WWOX: variants seen among roughly 807,000 people sequenced by gnomAD.
The protein encoded by WWOX is WW domain containing oxidoreductase.
A neutral mutation model predicts 46.2 loss-of-function variants in WWOX; 69 were observed. The ratio of observed to expected loss-of-function variants is 1.49; its 90% CI spans 1.23 to 1.82. The LOEUF is 1.82. Among genes scored for constraint, WWOX ranks in the 40% most tolerant of loss-of-function variants. WWOX has a pLI of 0.00. For missense variants in WWOX, 919 were observed against 542.6 expected, an observed-to-expected ratio of 1.69 and a Z score of -6.89; for synonymous variants, 359 against 202.6, an observed-to-expected ratio of 1.77 and a Z score of -6.56.
intron 1 of WWOX, 58 bp downstream of exon 1, chr16:78,099,943 G>GC: frequency 6.5e-7 from 1 of 1,533,684 alleles, no homozygotes; most frequent in Non-Finnish European, 8.8e-7. Flanking sequence ...GCCCACGGAC[G>GC]CCACCTGCGC....
In WWOX at chr16:78,349,141, C is replaced by T. The variant is rs114659753; in HGVS notation, c.517-37719C>T. Among the ~76,000 whole-genome samples, 803 of 120,936 alleles carry T rather than the reference C, an allele frequency of 6.6e-3. 169 individuals carry two copies. Among genetic ancestry groups the T allele is most frequent in the African/African-American group, 0.021 (765 of 35,634 alleles). The allele number at this position is 120,936 out of a possible 152,430, so 79.3% of individuals were successfully genotyped here. A position where few individuals can be genotyped will look rare whatever the true frequency, so the allele number is the denominator to read the frequency against. ...GAGGTCTACCTCGTCTGCTTGCAGA[C>T]AGCCGCCTTCCCACCGTGTTCTCAC... On this transcript the variant is annotated intron_variant, in intron 5 of 8. Coordinates refer to ENST00000566780, the MANE Select transcript of WWOX (RefSeq NM_016373.4).
At chr16:78,323,669 A>T (rs754299751) in intron 5 of WWOX, among the ~76,000 whole-genome samples, 1 of 152,146 alleles carries the variant, frequency 6.6e-6, no homozygotes, top group Non-Finnish European at 1.5e-5. Flanking sequence ...AAGAACAGGG[A>T]AGGGTGGATT....
chr16:79,100,649 A>G (rs905321807), intron 8 of WWOX, among the ~76,000 whole-genome samples: 6 of 152,112 alleles, frequency 3.9e-5, no homozygotes, highest in Admixed American at 6.5e-5. Flanking sequence ...ATTTTTCTGC[A>G]TGTTCTGACA....
At chr16:78,372,269 T>C (rs955686961) in intron 5 of WWOX, among the ~76,000 whole-genome samples, 4 of 152,194 alleles carry the variant, frequency 2.6e-5, no homozygotes, top group African/African-American at 9.6e-5. Flanking sequence ...TTTAATTCTT[T>C]GATTCTGTGC....
At chr16:78,587,830 C>T (rs1284440513) in intron 8 of WWOX, among the ~76,000 whole-genome samples, 1 of 152,068 alleles carries the variant, frequency 6.6e-6, no homozygotes, top group African/African-American at 2.4e-5. Flanking sequence ...GCAAAATGTC[C>T]CAGTGAATGC....
At chr16:79,007,031 G>C (rs1428555347) in intron 8 of WWOX, among the ~76,000 whole-genome samples, 2 of 152,040 alleles carry the variant, frequency 1.3e-5, no homozygotes, top group African/African-American at 2.4e-5. Context: ...GTGGGATGGG[G>C]GTATCTCTAG....
chr16:78,594,570 AG>A (rs551586267), intron 8 of WWOX, among the ~76,000 whole-genome samples: 16 of 151,868 alleles, frequency 1.1e-4, no homozygotes, highest in African/African-American at 3.4e-4. Flanking sequence ...CATAGTTTTC[AG>A]GTGGCATAAG....
chr16:78,738,296 T>G (rs2142406948), intron 8 of WWOX, among the ~76,000 whole-genome samples: 1 of 152,290 alleles, frequency 6.6e-6, no homozygotes, highest in South Asian at 2.1e-4. Context: ...CTCTTGTGTC[T>G]GGGTGAAACA....
At position 78,246,719 on chromosome 16, in the gene WWOX, C is replaced by A. The variant is rs142681126; in HGVS notation, c.516+82430C>A. On this transcript the variant is annotated intron_variant, in intron 5 of 8. Transcript: ENST00000566780. ...ATATTTTCAACTTCCTCTTCTGAAG[C>A]CAGTTCCCCCCGACCATCAGTCATG... 2.0e-5 allele frequency among the ~76,000 whole-genome samples: 3 copies of A among 152,172 alleles called. No individual in the cohort carries two copies. In the South Asian group the frequency reaches 6.2e-4, roughly 32 times the overall value.
chr16:79,047,929 A>G lies in WWOX; in HGVS notation c.1057-163679A>G, dbSNP rs570210248. Among the ~76,000 whole-genome samples the G allele has an allele frequency of 5.9e-5, 9 of 152,132 alleles. No homozygotes were observed. In the South Asian group the frequency reaches 1.9e-3, roughly 32 times the overall value. ...TGAACCAGAATACACCCGAGCAATT[A>G]CCTAGCACAAAATCTCCTGTCTGCA... is the stretch of plus-strand genomic sequence containing the variant. On this transcript the variant is annotated intron_variant, in intron 8 of 8. Transcript: ENST00000566780.
chr16:78,495,977 T>TA (rs1185606145), intron 8 of WWOX: 1 of 152,238 alleles, frequency 6.6e-6, no homozygotes, highest in Non-Finnish European at 1.5e-5. Flanking sequence ...TTTAAACGGA[T>TA]AACCACAGTC....
In WWOX at chr16:78,196,431, A is replaced by G. The variant is rs114865580; in HGVS notation, c.516+32142A>G. ...TCTTTAACCAAGGCTCCTTTTGCAA[A>G]GAGAAATCTGAGCTGCTTTTTAAAG... On this transcript the variant is annotated intron_variant, in intron 5 of 8. Transcript: ENST00000566780. Among the ~76,000 whole-genome samples, 651 of 152,350 alleles carry G rather than the reference A, an allele frequency of 4.3e-3. 7 individuals are homozygous for G. The highest frequency in any genetic ancestry group is 0.015 in the African/African-American group (627 of 41,586).
intron 8 of WWOX, among the ~76,000 whole-genome samples, chr16:78,625,265 G>C (rs550268268): frequency 6.6e-6 from 1 of 152,140 alleles, no homozygotes; most frequent in Non-Finnish European, 1.5e-5. Flanking sequence ...TTTAGCCTCA[G>C]TCCCTCTGTG....
chr16:79,198,503 T>A (rs925023092), intron 8 of WWOX, among the ~76,000 whole-genome samples: 2 of 152,224 alleles, frequency 1.3e-5, no homozygotes, highest in Non-Finnish European at 2.9e-5. Flanking sequence ...ACTGCAGTTT[T>A]CACATCAAAC....
At chr16:78,564,085 A>G (rs2044505623) in intron 8 of WWOX, among the ~76,000 whole-genome samples, 1 of 152,210 alleles carries the variant, frequency 6.6e-6, no homozygotes, top group South Asian at 2.1e-4. Flanking sequence ...TGCCCCAGCC[A>G]AGAGCCAACC....
chr16:78,425,937 T>A (rs1205030904), intron 7 of WWOX, among the ~76,000 whole-genome samples: 2 of 152,152 alleles, frequency 1.3e-5, no homozygotes, highest in Non-Finnish European at 2.9e-5. Context: ...CTTATTTTTT[T>A]AATCATACTT....
intron 8 of WWOX, among the ~76,000 whole-genome samples, chr16:78,709,319 A>G (rs923297965): frequency 1.3e-5 from 2 of 152,186 alleles, no homozygotes; most frequent in African/African-American, 4.8e-5. Context: ...TAACTTACGT[A>G]GTGATCACAG....
chr16:78,719,467 G>C (rs575966041), intron 8 of WWOX, among the ~76,000 whole-genome samples: 1 of 152,210 alleles, frequency 6.6e-6, no homozygotes, highest in Non-Finnish European at 1.5e-5. Flanking sequence ...TGAAAAAGTC[G>C]AGAAATGTTA....
chr16:78,599,463 T>C (rs2151614628), intron 8 of WWOX, among the ~76,000 whole-genome samples: 2 of 152,288 alleles, frequency 1.3e-5, no homozygotes, highest in African/African-American at 4.8e-5. Context: ...GTCAGTTCAA[T>C]CAGGCAGCCC....
Sources: allele counts gnomAD v4.1 joint callset (sites outside exome capture counted in the v4.1 genomes callset), GRCh38; gene constraint gnomAD v4.1.1; transcripts MANE v1.5; gene names NCBI Gene and HGNC (gene_info 2026-07-23, HGNC 2026-07-21).